The following SLCO1A2 variants were observed in gnomAD, a reference collection of about 807,000 sequenced individuals.
SLCO1A2 encodes solute carrier organic anion transporter family member 1A2, also known as OATP-1.
SLCO1A2 carries 67 observed loss-of-function variants against 69.0 expected under a neutral mutation model. The ratio of observed to expected loss-of-function variants is 0.97; its 90% CI spans 0.80 to 1.19. SLCO1A2 has a LOEUF of 1.19. Ranked by LOEUF, SLCO1A2 falls within the 50% of genes most tolerant of loss-of-function variation. SLCO1A2 has a pLI of 0.00. For missense variants in SLCO1A2, 787 were observed against 793.7 expected, an observed-to-expected ratio of 0.99 and a Z score of 0.10; for synonymous variants, 260 against 265.9, an observed-to-expected ratio of 0.98 and a Z score of 0.22.
chr12:21,347,191 C>A (rs1953280702), intron 2 of SLCO1A2, among the ~76,000 whole-genome samples: 1 of 151,824 alleles, frequency 6.6e-6, no homozygotes, highest in Non-Finnish European at 1.5e-5. Flanking sequence ...AAGGAAATTC[C>A]AAAAAAGTTC....
At chr12:21,280,801 C>T (rs1944660224) in intron 12 of SLCO1A2, among the ~76,000 whole-genome samples, 1 of 151,950 alleles carries the variant, frequency 6.6e-6, no homozygotes. Flanking sequence ...AATATGAATC[C>T]AGCACATGGA....
At chr12:21,299,410 G>T (rs1420494289) in intron 8 of SLCO1A2, among the ~76,000 whole-genome samples, 2 of 151,922 alleles carry the variant, frequency 1.3e-5, no homozygotes, top group African/African-American at 4.8e-5. Context: ...TTCATTTGCT[G>T]GAAAACCACT....
At chr12:21,355,244 T>C (rs11045995) in intron 2 of SLCO1A2, among the ~76,000 whole-genome samples, 15,064 of 152,230 alleles carry the variant, frequency 0.099, 1,079 homozygotes, top group East Asian at 0.38. Context: ...TTTGTCTATA[T>C]AGCTCAGAAG....
intron 2 of SLCO1A2, chr12:21,319,339 T>A (rs1229175507): frequency 1.5e-6 from 2 of 1,367,816 alleles, no homozygotes; most frequent in Non-Finnish European, 2.0e-6. Flanking sequence ...TATACTTAAG[T>A]TCTCTCTGCA....
At chr12:21,317,002 C>T (rs1326663579) in intron 3 of SLCO1A2, among the ~76,000 whole-genome samples, 1 of 152,096 alleles carries the variant, frequency 6.6e-6, no homozygotes, top group African/African-American at 2.4e-5. Context: ...ATTAAAAGTA[C>T]AAATATTACT....
At chr12:21,414,022 A>G (rs955398033) in intron 1 of SLCO1A2, among the ~76,000 whole-genome samples, 1 of 152,294 alleles carries the variant, frequency 6.6e-6, no homozygotes, top group African/African-American at 2.4e-5. Flanking sequence ...TTAGTTACCT[A>G]TAGATTTAGG....
chr12:21,267,147 C>T lies in SLCO1A2; in HGVS notation c.*2401G>A, dbSNP rs2136015026. ...CAAAGCACTCCAACACCCACTTTCT[C>T]TGACCTGCTTTCTCCCACCAAGAAG... is the stretch of plus-strand genomic sequence containing the variant. On this transcript the variant is annotated 3_prime_UTR_variant, in exon 15 of 15. Coordinates refer to ENST00000683939, the MANE Select transcript of SLCO1A2 (RefSeq NM_001386879.1). The T allele has an allele frequency of 6.6e-6, 1 of 152,268 alleles. No individual in the cohort carries two copies. The highest frequency in any genetic ancestry group is 2.1e-4 in the South Asian group (1 of 4,822). The allele number at this position is 152,268 out of a possible 1,614,324, so 9.4% of individuals were successfully genotyped here.
intron 2 of SLCO1A2, among the ~76,000 whole-genome samples, chr12:21,362,870 T>C (rs953942801): frequency 6.6e-6 from 1 of 152,158 alleles, no homozygotes; most frequent in African/African-American, 2.4e-5. Flanking sequence ...ATGCATCCAA[T>C]ACAGGAGCAC....
At chr12:21,321,419 C>T (rs188677630) in intron 2 of SLCO1A2, among the ~76,000 whole-genome samples, 74 of 152,318 alleles carry the variant, frequency 4.9e-4, no homozygotes, top group Admixed American at 4.2e-3. Context: ...TGTCTACCTC[C>T]AACCTCTCTT....
chr12:21,277,954 T>A (rs1355306946), intron 12 of SLCO1A2, among the ~76,000 whole-genome samples: 1 of 152,182 alleles, frequency 6.6e-6, no homozygotes, highest in Non-Finnish European at 1.5e-5. Flanking sequence ...TTCCAGATTC[T>A]GGGCCTTGGG....
At chr12:21,393,798 G>A (rs1941282094) in intron 1 of SLCO1A2, among the ~76,000 whole-genome samples, 1 of 152,124 alleles carries the variant, frequency 6.6e-6, no homozygotes, top group Admixed American at 6.5e-5. Context: ...AATTTTGATT[G>A]TTTTCAACAA....
At chr12:21,396,265 G>A (rs1291517284), upstream of SLCO1A2, among the ~76,000 whole-genome samples, 3 of 151,218 alleles carry the variant, frequency 2.0e-5, no homozygotes, top group Admixed American at 6.6e-5. Context: ...TGGAAGAAAC[G>A]GTATCAGCGA....
intron 2 of SLCO1A2, among the ~76,000 whole-genome samples, chr12:21,330,350 T>C (rs1952527562): frequency 6.6e-6 from 1 of 151,438 alleles, no homozygotes; most frequent in Non-Finnish European, 1.5e-5. Flanking sequence ...AATAAATAAA[T>C]AAATAAATAA....
intron 2 of SLCO1A2, among the ~76,000 whole-genome samples, chr12:21,367,383 G>C (rs1318758359): frequency 6.6e-6 from 1 of 151,934 alleles, no homozygotes. Flanking sequence ...GAAAGCAAAA[G>C]GATAAAAACA....
intron 2 of SLCO1A2, among the ~76,000 whole-genome samples, chr12:21,348,161 G>A (rs919566908): frequency 6.6e-6 from 1 of 152,082 alleles, no homozygotes; most frequent in Non-Finnish European, 1.5e-5. Context: ...CATGAGAAGG[G>A]GTACAGGCAT....
chr12:21,319,238 A>G (rs1951271903), intron 2 of SLCO1A2: 1 of 871,896 alleles, frequency 1.1e-6, no homozygotes, highest in Non-Finnish European at 1.7e-6. Context: ...TCAGAGCTAC[A>G]ATGATATCTA....
chr12:21,277,134 C>G (rs779186552), intron 12 of SLCO1A2, among the ~76,000 whole-genome samples: 64 of 152,090 alleles, frequency 4.2e-4, no homozygotes, highest in Non-Finnish European at 5.6e-4. Context: ...AAAAGAGATT[C>G]CTTCCTTCTA....
intron 2 of SLCO1A2, among the ~76,000 whole-genome samples, chr12:21,357,323 G>A (rs571356747): frequency 6.6e-6 from 1 of 152,288 alleles, no homozygotes; most frequent in East Asian, 1.9e-4. Context: ...TGCCTCATGG[G>A]AATGAAGACA....
At chr12:21,297,186 C>A (rs1208068015) in intron 9 of SLCO1A2, among the ~76,000 whole-genome samples, 1 of 152,016 alleles carries the variant, frequency 6.6e-6, no homozygotes, top group South Asian at 2.1e-4. Flanking sequence ...CTCTTCCCTT[C>A]CCTACCCTTT....
Sources: gnomAD v4.1 joint callset for allele counts (sites outside exome capture counted in the v4.1 genomes callset) on GRCh38, gnomAD v4.1.1 for gene constraint, MANE v1.5 for transcripts, NCBI Gene and HGNC (gene_info 2026-07-23, HGNC 2026-07-21) for gene names.